Variants in RNF216 observed in about 807,000 individuals in gnomAD.
RNF216 encodes E3 ubiquitin-protein ligase RNF216.
RNF216 carries 72 observed loss-of-function variants against 110.8 expected under a neutral mutation model. That is an observed-to-expected ratio of 0.65 (90% CI 0.54 to 0.79). RNF216 has a LOEUF of 0.79. RNF216 is among the 30% of genes least tolerant of loss of function. RNF216 has a pLI of 0.00. For missense variants in RNF216, 1,342 were observed against 1,141.2 expected (o/e 1.18, Z -2.54); for synonymous variants, 495 against 407.5 (o/e 1.21, Z -2.59).
intron 14 of RNF216, 50 bp from the exon 15 acceptor site, chr7:5,641,426 A>T: frequency 7.1e-7 from 1 of 1,408,078 alleles, no homozygotes; most frequent in Non-Finnish European, 1.0e-6. Flanking sequence ...TGAGGAGGAA[A>T]AAAATATGGC....
Position 5,730,888 on chromosome 7 carries a change from T to C in RNF216, c.1122-71A>G, listed in dbSNP as rs181692020. ...CACCTGCCCATTGCTTCAAATGCAATGGTTGAAGAATATAGTCCTTAGTCA... is the reference window on the plus strand; with the variant it reads ...CACCTGCCCATTGCTTCAAATGCAACGGTTGAAGAATATAGTCCTTAGTCA... On this transcript the variant is annotated intron_variant, in intron 5 of 16. Transcript: ENST00000389902. 31 of 1,579,088 alleles carry C rather than the reference T, an allele frequency of 2.0e-5. 2 individuals are homozygous for C. In the African/African-American group the frequency reaches 4.1e-4, roughly 21 times the overall value.
chr7:5,633,066 G>A (rs1338874363), intron 15 of RNF216, among the ~76,000 whole-genome samples: 3 of 151,740 alleles, frequency 2.0e-5, no homozygotes, highest in Non-Finnish European at 2.9e-5. Flanking sequence ...TGCAACCTCC[G>A]CCTCCCGGGT....
Position 5,672,638 on chromosome 7 carries a change from C to T in RNF216, c.2062-20128G>A, listed in dbSNP as rs566528348. Among the ~76,000 whole-genome samples the T allele has an allele frequency of 5.3e-5, 8 of 152,254 alleles. No homozygotes were observed. The South Asian group carries it at 1.7e-3, about 32-fold the overall frequency. ...CATACATTCTCTTGCTGGTACCCGA[C>T]GATAAAGACTCATCGCATAAATACT... is the stretch of plus-strand genomic sequence containing the variant. On this transcript the variant is annotated intron_variant, in intron 13 of 16. Transcript: ENST00000389902.
chr7:5,702,920 C>T (rs975619456), intron 13 of RNF216, among the ~76,000 whole-genome samples: 7 of 152,162 alleles, frequency 4.6e-5, no homozygotes, highest in Non-Finnish European at 7.4e-5. Context: ...AAGCCAGTGT[C>T]TATTTTGTAG....
At chr7:5,778,579 T>C (rs1224951663) in intron 1 of RNF216, among the ~76,000 whole-genome samples, 13 of 152,176 alleles carry the variant, frequency 8.5e-5, no homozygotes, top group Admixed American at 8.5e-4. Flanking sequence ...GATGGCACAG[T>C]AGATGATCTT....
At position 5,741,787 on chromosome 7, in the gene RNF216, T is replaced by C. The variant is rs761147492; in HGVS notation, c.230A>G (p.Asn77Ser). ...ETNKPQRSRP[N>S]LIKPAAQWQD... ...CCACTGGGCAGCTGGTTTGATGAGA[T>C]TGGGTCGTGATCTCTGAGGTTTATT... The change falls in exon 4 of 17, where the codon AAT (asparagine) becomes AGT (serine). Residue 77 changes from asparagine (N) to serine (S), a missense_variant. Coordinates refer to ENST00000389902, the MANE Select transcript of RNF216 (RefSeq NM_207111.4). 147 of 1,612,708 alleles carry C rather than the reference T, an allele frequency of 9.1e-5. No homozygotes were observed. Among genetic ancestry groups the C allele is most frequent in the Admixed American group, 5.5e-4 (33 of 59,688 alleles).
At chr7:5,764,446 G>A (rs138869537) in intron 1 of RNF216, among the ~76,000 whole-genome samples, 3,775 of 152,034 alleles carry the variant, frequency 0.025, 168 homozygotes, top group African/African-American at 0.086. Context: ...TCAGGAGTTC[G>A]AGACCAGCCT....
In RNF216 at chr7:5,723,743, C is replaced by T. The variant is rs139765303; in HGVS notation, c.1504+1581G>A. 1.1e-3 allele frequency among the ~76,000 whole-genome samples: 171 copies of T among 152,230 alleles called. 5 individuals are homozygous for T. The East Asian group carries it at 0.029, about 26-fold the overall frequency. On this transcript the variant is annotated intron_variant, in intron 8 of 16. Coordinates refer to ENST00000389902, the MANE Select transcript of RNF216 (RefSeq NM_207111.4). ...CATAAAAAGGACAGAGGAGGGAGAA[C>T]CGTGTCTCACTCTTTGAGTCAAGCA...
At chr7:5,726,424 A>C (rs1319224968) in intron 7 of RNF216, among the ~76,000 whole-genome samples, 2 of 151,938 alleles carry the variant, frequency 1.3e-5, no homozygotes, top group East Asian at 1.9e-4. Context: ...TGCTTCCCCC[A>C]CACTCTTCTC....
rs769275094 is a variant in RNF216, at chr7:5,624,036, G to A, written c.2452+20C>T. 2 of 1,609,320 alleles carry A rather than the reference G, an allele frequency of 1.2e-6. No homozygotes were observed. The highest frequency in any genetic ancestry group is 1.3e-5 in the African/African-American group (1 of 74,876). On this transcript the variant is annotated intron_variant, in intron 16 of 16. Coordinates refer to ENST00000389902, the MANE Select transcript of RNF216 (RefSeq NM_207111.4). The surrounding 1 kb of genome is among the most constrained non-coding windows in gnomAD (Gnocchi z 4.4). ...GCCTGGCTGCTGCTCTGTCCTGGGG[G>A]CCTGGGGAGGGGCACTTGCCTCCAT...
intron 1 of RNF216, among the ~76,000 whole-genome samples, chr7:5,766,461 G>C (rs1043514517): frequency 1.1e-4 from 17 of 151,894 alleles, no homozygotes; most frequent in African/African-American, 4.1e-4. Context: ...TGAAGTCATG[G>C]AGGTTGGGCC....
At chr7:5,753,094 C>T (rs957990150) in intron 2 of RNF216, 115 bp from the exon 3 acceptor site, 14 of 1,007,244 alleles carry the variant, frequency 1.4e-5, no homozygotes, top group African/African-American at 6.5e-5. Context: ...ACTAGTGTAA[C>T]GTACCTCCTC....
rs1791653753 is a variant in RNF216, at chr7:5,696,740, G to A, written c.2061+15021C>T. On this transcript the variant is annotated intron_variant, in intron 13 of 16. Coordinates refer to ENST00000389902, the MANE Select transcript of RNF216 (RefSeq NM_207111.4). The surrounding 1 kb of genome is among the most constrained non-coding windows in gnomAD (Gnocchi z 5.4). ...CCCACCTAGGTCTTCTGGAAAATGG[G>A]AAAAGTAATCACAGCAAATACCTGC... Among the ~76,000 whole-genome samples, 1 of 152,166 alleles carries A rather than the reference G, an allele frequency of 6.6e-6. No homozygotes were observed. Among genetic ancestry groups the A allele is most frequent in the Non-Finnish European group, 1.5e-5 (1 of 68,036 alleles).
At chr7:5,735,653 G>A (rs1247335253) in intron 5 of RNF216, among the ~76,000 whole-genome samples, 1 of 152,206 alleles carries the variant, frequency 6.6e-6, no homozygotes, top group African/African-American at 2.4e-5. Flanking sequence ...TGGACTTAGA[G>A]ACATGGAGAT....
Position 5,707,207 on chromosome 7 carries a change from G to C in RNF216, c.2061+4554C>G, listed in dbSNP as rs372299694. ...CAGGAAGTGTGAGGCTTCCAGCTTT[G>C]TTCTTCTTTCTTAAGACTGTCTAGG... On this transcript the variant is annotated intron_variant, in intron 13 of 16. Coordinates refer to ENST00000389902, the MANE Select transcript of RNF216 (RefSeq NM_207111.4). Among the ~76,000 whole-genome samples, 61 of 152,286 alleles carry C rather than the reference G, an allele frequency of 4.0e-4. 1 individual carries two copies. The South Asian group carries it at 0.012, about 30-fold the overall frequency.
At chr7:5,771,157 G>A (rs578166237) in intron 1 of RNF216, among the ~76,000 whole-genome samples, 23 of 152,330 alleles carry the variant, frequency 1.5e-4, no homozygotes, top group African/African-American at 4.8e-4. Context: ...TTGCAGAGCA[G>A]TGGAAAACAT....
chr7:5,729,167 T>G (rs1009952469), intron 7 of RNF216, among the ~76,000 whole-genome samples: 4 of 152,174 alleles, frequency 2.6e-5, no homozygotes, highest in African/African-American at 7.2e-5. Context: ...GAATGCATCT[T>G]TCACACTCCT....
At chr7:5,681,787 C>T (rs1215585447) in intron 13 of RNF216, among the ~76,000 whole-genome samples, 2 of 152,234 alleles carry the variant, frequency 1.3e-5, no homozygotes, top group African/African-American at 2.4e-5. Context: ...ATCTCATCAA[C>T]AGCCATCCCT....
intron 5 of RNF216, among the ~76,000 whole-genome samples, chr7:5,738,132 C>T (rs1392985062): frequency 6.7e-6 from 1 of 148,662 alleles, no homozygotes; most frequent in African/African-American, 2.5e-5. Context: ...AATTATTTCA[C>T]CTCTGCAGAT....
Sources: allele counts gnomAD v4.1 joint callset (sites outside exome capture counted in the v4.1 genomes callset), GRCh38; gene constraint gnomAD v4.1.1; non-coding constraint Gnocchi (gnomAD v3.1); transcripts MANE v1.5; gene names NCBI Gene and HGNC (gene_info 2026-07-23, HGNC 2026-07-21).